The following PPP1R8 variants were observed in gnomAD, a reference collection of about 807,000 sequenced individuals.
PPP1R8 encodes the protein protein phosphatase 1 regulatory subunit 8, also known as nuclear inhibitor of protein phosphatase 1.
A neutral mutation model predicts 31.3 loss-of-function variants in PPP1R8; 4 were observed. The ratio of observed to expected loss-of-function variants is 0.13; its 90% confidence interval spans 0.06 to 0.29. The LOEUF is 0.29. Among genes scored for constraint, PPP1R8 ranks in the 10% least tolerant of loss-of-function variants. The pLI is 1.00. For synonymous variants in PPP1R8, 170 were observed against 169.7 expected, an observed-to-expected ratio of 1.00 and a Z score of -0.01; for missense variants, 254 against 440.1, an observed-to-expected ratio of 0.58 and a Z score of 3.78.
chr1:27,840,623 T>G (rs1323512095), intron 3 of PPP1R8, among the ~76,000 whole-genome samples: 1 of 152,074 alleles, frequency 6.6e-6, no homozygotes, highest in African/African-American at 2.4e-5. Flanking sequence ...TTCTGCTGGG[T>G]TGGAGCCATT....
intron 2 of PPP1R8, among the ~76,000 whole-genome samples, chr1:27,836,477 C>T (rs528616887): frequency 2.6e-5 from 4 of 152,056 alleles, no homozygotes; most frequent in Non-Finnish European, 4.4e-5. Flanking sequence ...GTGCAGTGGC[C>T]GATCTCGGCT....
chr1:27,838,210 C>CAAAA (rs10719467), intron 2 of PPP1R8, among the ~76,000 whole-genome samples: 4 of 69,922 alleles, frequency 5.7e-5, no homozygotes, highest in Non-Finnish European at 1.4e-4. Flanking sequence ...GACTCCATCT[C>CAAAA]AAAAAAAAAA....
Position 27,832,542 on chromosome 1 carries a change from C to T in PPP1R8, c.57-214C>T, listed in dbSNP as rs189102948. On this transcript the variant is annotated intron_variant, in intron 1 of 6. Transcript: ENST00000311772. Reference sequence around the variant, plus strand: ...TCTTGGTGCTGCTCTAAATACAGATCTACTAAAATCTGTTGCAGAGCAATT... The same window carrying T: ...TCTTGGTGCTGCTCTAAATACAGATTTACTAAAATCTGTTGCAGAGCAATT... 1.5e-3 allele frequency among the ~76,000 whole-genome samples: 230 copies of T among 152,238 alleles called. 2 individuals carry two copies. The highest frequency in any genetic ancestry group is 1.6e-3 in the Non-Finnish European group (108 of 68,018).
intron 5 of PPP1R8, among the ~76,000 whole-genome samples, chr1:27,843,986 A>G (rs1018190498): frequency 2.6e-5 from 4 of 152,094 alleles, no homozygotes; most frequent in Non-Finnish European, 5.9e-5. Context: ...CTAGAAATTT[A>G]TATGTTTTTT....
intron 1 of PPP1R8, 42 bp downstream of exon 1, chr1:27,830,933 G>T: frequency 6.6e-7 from 1 of 1,504,468 alleles, no homozygotes; most frequent in Non-Finnish European, 8.9e-7. Context: ...CCCGGCCGGA[G>T]CTAGCCTGGG....
intron 1 of PPP1R8, 88 bp from the exon 2 acceptor site, chr1:27,832,668 G>A (rs2089122176): frequency 9.4e-7 from 1 of 1,063,464 alleles, no homozygotes; most frequent in Non-Finnish European, 1.4e-6. Flanking sequence ...AGGCTGGTAG[G>A]AGAGCTGCAA....
At chr1:27,832,673 C>G in intron 1 of PPP1R8, 83 bp from the exon 2 acceptor site, 1 of 1,139,014 alleles carries the variant, frequency 8.8e-7, no homozygotes. Flanking sequence ...GGTAGGAGAG[C>G]TGCAATGTTG....
In PPP1R8 at chr1:27,851,035, T is replaced by C. The variant is rs2089339321; in HGVS notation, c.*589T>C. The stretch of plus-strand genomic sequence containing the variant: ...TCCTGTTGGAATGAAAACATTTCGA[T>C]TTTCCTTCATCTGTGACTGGTGCCA... On this transcript the variant is annotated 3_prime_UTR_variant, in exon 7 of 7. Coordinates refer to ENST00000311772, the MANE Select transcript of PPP1R8 (RefSeq NM_014110.5). The C allele has an allele frequency of 6.5e-6, 1 of 154,086 alleles. No homozygotes were observed. The highest frequency in any genetic ancestry group is 6.4e-5 in the Admixed American group (1 of 15,654). 9.5% of individuals were successfully genotyped at this position (154,086 alleles called of 1,614,324 possible).
At chr1:27,837,334 G>A (rs1445669620) in intron 2 of PPP1R8, among the ~76,000 whole-genome samples, 2 of 151,824 alleles carry the variant, frequency 1.3e-5, no homozygotes, top group African/African-American at 2.4e-5. Flanking sequence ...GGGAGGCTGA[G>A]GCAGGAGAAT....
At chr1:27,838,012 C>G (rs1197950609) in intron 2 of PPP1R8, among the ~76,000 whole-genome samples, 3 of 151,628 alleles carry the variant, frequency 2.0e-5, no homozygotes, top group Non-Finnish European at 4.4e-5. Flanking sequence ...GAGTTCGAGA[C>G]CAGCCTGGCC....
intron 5 of PPP1R8, among the ~76,000 whole-genome samples, chr1:27,844,821 C>A (rs1212163519): frequency 6.9e-6 from 1 of 144,112 alleles, no homozygotes. Flanking sequence ...GGGTTCACGC[C>A]ATTTTCCTGC....
intron 2 of PPP1R8, among the ~76,000 whole-genome samples, chr1:27,833,664 G>A (rs2089133997): frequency 6.6e-6 from 1 of 152,086 alleles, no homozygotes; most frequent in Non-Finnish European, 1.5e-5. Context: ...TTTTATATTT[G>A]CTTGCTCAGC....
chr1:27,831,460 G>C (rs2089105639), intron 1 of PPP1R8: 2 of 635,984 alleles, frequency 3.1e-6, no homozygotes, highest in South Asian at 1.4e-4. Flanking sequence ...TTATCCCTTC[G>C]AAAGTTCTTG....
intron 6 of PPP1R8, 124 bp from the exon 7 acceptor site, chr1:27,849,969 G>GA: frequency 1.2e-6 from 1 of 845,180 alleles, no homozygotes; most frequent in Non-Finnish European, 1.9e-6. Flanking sequence ...GAACAGGCTA[G>GA]AAGTTAGGAA....
In PPP1R8 at chr1:27,850,088, T is replaced by G; in HGVS notation, c.703-5T>G. 6.4e-7 allele frequency: 1 copy of G among 1,550,930 alleles called. No individual in the cohort carries two copies. The highest frequency in any genetic ancestry group is 1.2e-5 in the South Asian group (1 of 82,556). On this transcript the variant is annotated splice_polypyrimidine_tract_variant and splice_region_variant and intron_variant, in intron 6 of 6. Transcript: ENST00000311772. ...TCTCTCCCCTCTCCTCATCGTGAAC[T>G]GTAGAAGAAGCGTGTGGAGGGCCCT...
In PPP1R8 at chr1:27,850,588, T is replaced by C. The variant is rs577509141; in HGVS notation, c.*142T>C. 5.3e-6 allele frequency: 4 copies of C among 753,792 alleles called. No homozygotes were observed. The African/African-American group carries it at 7.0e-5, about 13-fold the overall frequency. The allele number at this position is 753,792 out of a possible 1,614,324, so 46.7% of individuals were successfully genotyped here. ...CTCCTGGCATCCTAACCATGTAATATGACAATTGGGGGTGGGGTTGAAATA... is the reference window on the plus strand; with the variant it reads ...CTCCTGGCATCCTAACCATGTAATACGACAATTGGGGGTGGGGTTGAAATA... On this transcript the variant is annotated 3_prime_UTR_variant, in exon 7 of 7. Transcript: ENST00000311772.
At chr1:27,834,580 G>T (rs774427206) in intron 2 of PPP1R8, 1 of 514,254 alleles carries the variant, frequency 1.9e-6, no homozygotes, top group South Asian at 1.4e-5. Context: ...TAGCAGTACT[G>T]GCCATAGCTA....
intron 6 of PPP1R8, among the ~76,000 whole-genome samples, chr1:27,849,365 C>CT (rs1249424746): frequency 2.2e-5 from 3 of 134,512 alleles, no homozygotes; most frequent in Middle Eastern, 3.9e-3. Flanking sequence ...GAGTGAAACT[C>CT]TGTCTCAAAA....
At chr1:27,845,993 T>C (rs1208848567) in intron 5 of PPP1R8, among the ~76,000 whole-genome samples, 1 of 151,990 alleles carries the variant, frequency 6.6e-6, no homozygotes, top group Non-Finnish European at 1.5e-5. Context: ...AGTTTCACCA[T>C]GTTAGCCAGG....
Sources: gnomAD v4.1 joint callset for allele counts (sites outside exome capture counted in the v4.1 genomes callset) on GRCh38, gnomAD v4.1.1 for gene constraint, MANE v1.5 for transcripts, NCBI Gene and HGNC (gene_info 2026-07-23, HGNC 2026-07-21) for gene names.